Variants in CDK6 observed in about 807,000 individuals in gnomAD.
CDK6 encodes the protein cyclin-dependent kinase 6.
A neutral mutation model predicts 37.1 loss-of-function variants in CDK6; 6 were observed. The observed-to-expected ratio is 0.16, with a 90% CI of 0.09 to 0.32. CDK6 has a LOEUF of 0.32. CDK6 is among the 10% of genes least tolerant of loss of function. The pLI is 1.00. For synonymous variants in CDK6, 160 were observed against 161.3 expected (o/e 0.99, Z 0.06); for missense variants, 224 against 418.9 (o/e 0.53, Z 4.06).
intron 4 of CDK6, among the ~76,000 whole-genome samples, chr7:92,681,915 TTAGTGCTGCTAC>T (rs781002206): frequency 6.6e-6 from 1 of 152,192 alleles, no homozygotes; most frequent in Admixed American, 6.5e-5. Context: ...ACATCACTAC[TTAGTGCTGCTAC>T]CAGTATCTCA....
At chr7:92,757,961 GA>G (rs1799356838) in intron 3 of CDK6, among the ~76,000 whole-genome samples, 1 of 152,120 alleles carries the variant, frequency 6.6e-6, no homozygotes, top group African/African-American at 2.4e-5. Flanking sequence ...CATCTTTTGA[GA>G]AGTGTCTGTT....
chr7:92,623,999 A>C (rs1795867987), intron 5 of CDK6, among the ~76,000 whole-genome samples: 1 of 152,126 alleles, frequency 6.6e-6, no homozygotes, highest in African/African-American at 2.4e-5. Context: ...TTTTTATATT[A>C]TATATCAAAT....
chr7:92,677,861 A>G (rs1167724505), intron 4 of CDK6, among the ~76,000 whole-genome samples: 2 of 152,194 alleles, frequency 1.3e-5, no homozygotes. Flanking sequence ...TATCTACTGC[A>G]ACTAAATCTG....
At chr7:92,680,829 GC>G (rs1409944208) in intron 4 of CDK6, among the ~76,000 whole-genome samples, 4 of 152,162 alleles carry the variant, frequency 2.6e-5, no homozygotes, top group Non-Finnish European at 5.9e-5. Context: ...CATCTTTCAA[GC>G]CTCACTCACA....
intron 5 of CDK6, among the ~76,000 whole-genome samples, chr7:92,644,626 G>A (rs1257674103): frequency 6.6e-6 from 1 of 152,164 alleles, no homozygotes; most frequent in African/African-American, 2.4e-5. Flanking sequence ...ATTAAGTAAT[G>A]TGTACAGTCT....
chr7:92,685,031 AAC>A (rs1204278530), intron 4 of CDK6, among the ~76,000 whole-genome samples: 2 of 152,206 alleles, frequency 1.3e-5, no homozygotes, highest in African/African-American at 4.8e-5. Flanking sequence ...TTTCTTTTAT[AAC>A]ACAGTTTTGC....
At chr7:92,683,395 G>A (rs980575609) in intron 4 of CDK6, among the ~76,000 whole-genome samples, 1 of 152,184 alleles carries the variant, frequency 6.6e-6, no homozygotes, top group African/African-American at 2.4e-5. Flanking sequence ...GTACTAGCAG[G>A]TTATATGGTT....
chr7:92,697,424 G>A (rs1438270360), intron 4 of CDK6, among the ~76,000 whole-genome samples: 3 of 152,120 alleles, frequency 2.0e-5, no homozygotes, highest in African/African-American at 2.4e-5. Flanking sequence ...CACATTTTAT[G>A]TTACTTAAAC....
At position 92,674,241 on chromosome 7, in the gene CDK6, T is replaced by C. The variant is rs149260619; in HGVS notation, c.538-2706A>G. Among the ~76,000 whole-genome samples the C allele has an allele frequency of 2.0e-3, 310 of 152,256 alleles. 2 individuals carry two copies. Among genetic ancestry groups the C allele is most frequent in the African/African-American group, 7.0e-3 (290 of 41,546 alleles). ...GCAACTCTTCTTTCTCCTCTCCACATATGTAAATTTCACCTATTCTACAAG... is the reference window on the plus strand; with the variant it reads ...GCAACTCTTCTTTCTCCTCTCCACACATGTAAATTTCACCTATTCTACAAG... On this transcript the variant is annotated intron_variant, in intron 4 of 7. Transcript: ENST00000424848.
chr7:92,649,315 C>T (rs1796519802), intron 5 of CDK6, among the ~76,000 whole-genome samples: 1 of 152,144 alleles, frequency 6.6e-6, no homozygotes, highest in Non-Finnish European at 1.5e-5. Context: ...GCAAGGACTG[C>T]TATAATGCCA....
chr7:92,714,713 G>T (rs540775155), intron 4 of CDK6, among the ~76,000 whole-genome samples: 3 of 152,218 alleles, frequency 2.0e-5, no homozygotes, highest in East Asian at 3.9e-4. Context: ...GAATATATGT[G>T]AAGACCATCA....
rs1254710727 is a variant in CDK6, at chr7:92,672,158, T to TATATACAC, written c.538-624_538-623insGTGTATAT. ...ACATATATATATATATATATATATA[T>TATATACAC]ATACACATACACACACACACACACA... On this transcript the variant is annotated intron_variant, in intron 4 of 7. Transcript: ENST00000424848. Among the ~76,000 whole-genome samples the TATATACAC allele has an allele frequency of 2.8e-4, 29 of 102,722 alleles. 1 individual carries two copies. Among genetic ancestry groups the TATATACAC allele is most frequent in the East Asian group, 2.8e-3 (8 of 2,872 alleles). 67.4% of individuals were successfully genotyped at this position (102,722 alleles called of 152,430 possible). A position where few individuals can be genotyped will look rare whatever the true frequency, so the allele number is the denominator to read the frequency against.
At chr7:92,725,863 C>T (rs2116711268) in intron 3 of CDK6, 70 bp from the exon 4 acceptor site, 1 of 1,417,994 alleles carries the variant, frequency 7.1e-7, no homozygotes, top group Non-Finnish European at 9.8e-7. Flanking sequence ...ATGCTGGACG[C>T]CGAATCCTTA....
chr7:92,811,688 G>A (rs887484465), intron 2 of CDK6, among the ~76,000 whole-genome samples: 1 of 152,100 alleles, frequency 6.6e-6, no homozygotes, highest in African/African-American at 2.4e-5. Flanking sequence ...AGACTTGAGA[G>A]ATTCCTAATG....
chr7:92,740,729 T>C (rs1216980409), intron 3 of CDK6, among the ~76,000 whole-genome samples: 2 of 152,198 alleles, frequency 1.3e-5, no homozygotes, highest in Non-Finnish European at 2.9e-5. Flanking sequence ...CCAACTTGTG[T>C]GGCAGGCTGG....
intron 3 of CDK6, among the ~76,000 whole-genome samples, chr7:92,757,943 A>G (rs780971116): frequency 6.6e-6 from 1 of 152,204 alleles, no homozygotes; most frequent in Non-Finnish European, 1.5e-5. Context: ...TGTTGACCAC[A>G]TGTATATCAT....
At chr7:92,788,757 T>C (rs1163235957) in intron 2 of CDK6, among the ~76,000 whole-genome samples, 1 of 152,126 alleles carries the variant, frequency 6.6e-6, no homozygotes, top group Non-Finnish European at 1.5e-5. Flanking sequence ...GGATCTGCAA[T>C]AAGATGAACA....
chr7:92,819,924 A>G (rs1404113218), intron 2 of CDK6, among the ~76,000 whole-genome samples: 1 of 152,064 alleles, frequency 6.6e-6, no homozygotes, highest in South Asian at 2.1e-4. Context: ...TGCAAGATCA[A>G]ATATCTGACT....
At chr7:92,750,786 T>C (rs1157091003) in intron 3 of CDK6, among the ~76,000 whole-genome samples, 1 of 152,188 alleles carries the variant, frequency 6.6e-6, no homozygotes, top group African/African-American at 2.4e-5. Flanking sequence ...AATTGGTTTT[T>C]GCAAGCCTTT....
Sources: allele counts gnomAD v4.1 joint callset (sites outside exome capture counted in the v4.1 genomes callset), GRCh38; gene constraint gnomAD v4.1.1; transcripts MANE v1.5; gene names NCBI Gene and HGNC (gene_info 2026-07-23, HGNC 2026-07-21).